The following PRKD1 variants were observed in gnomAD, a reference collection of about 807,000 sequenced individuals.
PRKD1 encodes serine/threonine-protein kinase D1.
A neutral mutation model predicts 95.9 loss-of-function variants in PRKD1; 63 were observed. The ratio of observed to expected loss-of-function variants is 0.66; its 90% CI spans 0.54 to 0.81. PRKD1 has a LOEUF of 0.81. PRKD1 is among the 30% of genes least tolerant of loss of function. The probability of loss-of-function intolerance (pLI) is 0.00; values close to 1 mark genes in which losing one functional copy is unlikely to be tolerated. For missense variants in PRKD1, 1,048 were observed against 1,165.3 expected (o/e 0.90, Z 1.47); for synonymous variants, 425 against 423.1 (o/e 1.00, Z -0.05).
rs1893365299 is a variant in PRKD1, at chr14:29,597,836, C to T, written c.2167-78G>A. On this transcript the variant is annotated intron_variant, in intron 15 of 17. Coordinates refer to ENST00000331968, the MANE Select transcript of PRKD1 (RefSeq NM_002742.3). ...TGTCTTAGTTCAGATTCACCAGATA[C>T]AACCATAATATTTTAAATACTTTAC... 1.1e-5 allele frequency: 15 copies of T among 1,365,712 alleles called. 1 individual carries two copies. In the South Asian group the frequency reaches 2.2e-4, roughly 20 times the overall value. 84.6% of individuals were successfully genotyped at this position (1,365,712 alleles called of 1,614,324 possible).
intron 13 of PRKD1, among the ~76,000 whole-genome samples, chr14:29,604,874 T>C (rs1486374793): frequency 6.6e-6 from 1 of 152,224 alleles, no homozygotes; most frequent in Non-Finnish European, 1.5e-5. Flanking sequence ...CTTTGGGGTA[T>C]GTTCATTTAA....
chr14:29,633,638 CTA>C (rs1429836137), intron 8 of PRKD1, among the ~76,000 whole-genome samples: 1 of 152,106 alleles, frequency 6.6e-6, no homozygotes, highest in Admixed American at 6.6e-5. Flanking sequence ...CCCCAAAGCT[CTA>C]TGATTCCGCT....
chr14:29,683,037 G>A (rs952494064), intron 2 of PRKD1, among the ~76,000 whole-genome samples: 19 of 152,124 alleles, frequency 1.2e-4, no homozygotes, highest in Non-Finnish European at 1.8e-4. Context: ...GATAGTGAAC[G>A]GGAAAGCACT....
At chr14:29,654,948 A>G (rs1051857704) in intron 4 of PRKD1, among the ~76,000 whole-genome samples, 1 of 152,368 alleles carries the variant, frequency 6.6e-6, no homozygotes, top group African/African-American at 2.4e-5. Context: ...AAGTTCAAGA[A>G]AAACAGCTCA....
chr14:29,725,415 ATCT>A (rs1886090827), intron 2 of PRKD1, 118 bp downstream of exon 2: 2 of 1,240,610 alleles, frequency 1.6e-6, no homozygotes, highest in East Asian at 2.4e-5. Context: ...GAGCTCCAAC[ATCT>A]TCTCTTGGAG....
intron 1 of PRKD1, among the ~76,000 whole-genome samples, chr14:29,854,274 T>G (rs920892906): frequency 4.6e-5 from 7 of 152,200 alleles, no homozygotes; most frequent in Non-Finnish European, 8.8e-5. Flanking sequence ...TTGAATGGCT[T>G]TGACCAAAAG....
intron 1 of PRKD1, among the ~76,000 whole-genome samples, chr14:29,755,302 G>C (rs1887647764): frequency 6.6e-6 from 1 of 151,262 alleles, no homozygotes. Context: ...CTTTTTTCTT[G>C]TTTCATAGCT....
At chr14:29,753,823 C>T (rs1292804732) in intron 1 of PRKD1, among the ~76,000 whole-genome samples, 1 of 152,112 alleles carries the variant, frequency 6.6e-6, no homozygotes. Flanking sequence ...GTATATTCTA[C>T]TTACCCACTT....
chr14:29,613,889 G>A (rs546553828), intron 13 of PRKD1, among the ~76,000 whole-genome samples: 1 of 152,320 alleles, frequency 6.6e-6, no homozygotes, highest in Non-Finnish European at 1.5e-5. Context: ...TGAGCACAGA[G>A]ATGGTTTTAA....
intron 1 of PRKD1, among the ~76,000 whole-genome samples, chr14:29,850,157 T>G (rs1464880327): frequency 1.3e-5 from 2 of 152,090 alleles, no homozygotes; most frequent in Non-Finnish European, 2.9e-5. Flanking sequence ...AAGATGCACA[T>G]TCTTACCACT....
intron 4 of PRKD1, among the ~76,000 whole-genome samples, chr14:29,642,386 TTTTG>T (rs1323245497): frequency 6.6e-6 from 1 of 152,162 alleles, no homozygotes; most frequent in Admixed American, 6.5e-5. Flanking sequence ...TACAGTATGT[TTTTG>T]TTTGATATAT....
chr14:29,596,333 A>T (rs376614092), intron 16 of PRKD1, among the ~76,000 whole-genome samples: 2 of 152,226 alleles, frequency 1.3e-5, no homozygotes, highest in Non-Finnish European at 2.9e-5. Context: ...ATGAACCTAG[A>T]ACTAGATATT....
chr14:29,762,628 C>T (rs763371964), intron 1 of PRKD1, among the ~76,000 whole-genome samples: 42 of 152,296 alleles, frequency 2.8e-4, no homozygotes, highest in Non-Finnish European at 4.9e-4. Flanking sequence ...GTCATATTTA[C>T]GTGACAATAT....
At chr14:29,902,857 T>A (rs1040755587) in intron 1 of PRKD1, among the ~76,000 whole-genome samples, 1 of 151,986 alleles carries the variant, frequency 6.6e-6, no homozygotes, top group Non-Finnish European at 1.5e-5. Context: ...AAAAAAATCA[T>A]CTATCTCACT....
At chr14:29,614,578 T>C (rs923202079) in intron 13 of PRKD1, among the ~76,000 whole-genome samples, 1 of 152,176 alleles carries the variant, frequency 6.6e-6, no homozygotes, top group African/African-American at 2.4e-5. Context: ...AATATTTATC[T>C]TACTGAATAA....
intron 4 of PRKD1, among the ~76,000 whole-genome samples, chr14:29,646,498 C>T (rs990660249): frequency 6.6e-6 from 1 of 151,298 alleles, no homozygotes; most frequent in East Asian, 1.9e-4. Flanking sequence ...TCATGTAACC[C>T]AAAAATATAT....
At chr14:29,783,542 G>T (rs990392291) in intron 1 of PRKD1, among the ~76,000 whole-genome samples, 15 of 152,182 alleles carry the variant, frequency 9.9e-5, no homozygotes, top group African/African-American at 3.6e-4. Context: ...TATATATATG[G>T]TGGTTCCATT....
intron 1 of PRKD1, among the ~76,000 whole-genome samples, chr14:29,847,717 G>A (rs1356247698): frequency 6.6e-6 from 1 of 152,082 alleles, no homozygotes; most frequent in African/African-American, 2.4e-5. Flanking sequence ...TGCTTCCATT[G>A]CCTTTCACAA....
intron 16 of PRKD1, among the ~76,000 whole-genome samples, chr14:29,592,156 C>T (rs949033779): frequency 2.6e-5 from 4 of 151,950 alleles, no homozygotes; most frequent in African/African-American, 9.7e-5. Context: ...AAGACCATGT[C>T]TAATTACTGA....
Sources: allele counts gnomAD v4.1 joint callset (sites outside exome capture counted in the v4.1 genomes callset), GRCh38; gene constraint gnomAD v4.1.1; transcripts MANE v1.5; gene names NCBI Gene and HGNC (gene_info 2026-07-23, HGNC 2026-07-21).